The following BDP1 variants were observed in gnomAD, a reference collection of about 807,000 sequenced individuals.
BDP1 encodes the protein BDP1 general transcription factor IIIB subunit.
In BDP1, 169 loss-of-function variants were observed where a neutral mutation model predicts 266.6. The observed-to-expected ratio is 0.63, with a 90% CI of 0.56 to 0.72. The LOEUF (loss-of-function observed/expected upper bound fraction) is 0.72. Among genes scored for constraint, BDP1 ranks in the 30% least tolerant of loss-of-function variants. BDP1 has a pLI of 0.00. For synonymous variants in BDP1, 1,090 were observed against 1,022.4 expected, an observed-to-expected ratio of 1.07 and a Z score of -1.26; for missense variants, 3,015 against 3,053.8, an observed-to-expected ratio of 0.99 and a Z score of 0.30.
chr5:71,468,186 T>C (rs1400712971), intron 6 of BDP1, among the ~76,000 whole-genome samples: 1 of 151,940 alleles, frequency 6.6e-6, no homozygotes, highest in Admixed American at 6.6e-5. Flanking sequence ...CCCCAGCTAA[T>C]TTTTGTATTT....
chr5:71,495,393 TA>T lies in BDP1; in HGVS notation c.1790del (p.Asn597IlefsTer16). 6.3e-7 allele frequency: 1 copy of T among 1,576,442 alleles called. No homozygotes were observed. Among genetic ancestry groups the T allele is most frequent in the Non-Finnish European group, 8.6e-7 (1 of 1,160,632 alleles). Reference sequence around the variant, plus strand: ...TGTATAGAAGAAAGAAATGTTGACCTAAAAAATAATTCACTGTAAGTATTTT... The same window carrying T: ...TGTATAGAAGAAAGAAATGTTGACCTAAAAATAATTCACTGTAAGTATTTT... ...GSCIEERNVD[L>X]KNNSLEIDQT... On this transcript the variant is annotated frameshift_variant, in exon 12 of 39. Transcript: ENST00000358731. LOFTEE classifies it high-confidence loss of function.
chr5:71,532,510 G>C, intron 26 of BDP1, 83 bp downstream of exon 26: 1 of 1,341,246 alleles, frequency 7.5e-7, no homozygotes, highest in Non-Finnish European at 1.0e-6. Context: ...ATAGCTTTAG[G>C]TTTATAAACA....
chr5:71,485,543 T>TAGTATAAAATAAAA (rs1763214126), intron 8 of BDP1, among the ~76,000 whole-genome samples: 1 of 152,176 alleles, frequency 6.6e-6, no homozygotes, highest in Non-Finnish European at 1.5e-5. Flanking sequence ...CTTTTTATTT[T>TAGTATAAAATAAAA]AGTATATACC....
intron 31 of BDP1, 45 bp from the exon 32 acceptor site, chr5:71,544,994 G>A (rs770921435): frequency 6.4e-7 from 1 of 1,555,566 alleles, no homozygotes; most frequent in East Asian, 2.3e-5. Flanking sequence ...ATAATTCCAT[G>A]ATTTGCCTGA....
intron 9 of BDP1, among the ~76,000 whole-genome samples, chr5:71,487,273 G>A (rs1189691394): frequency 2.0e-5 from 3 of 151,626 alleles, no homozygotes; most frequent in South Asian, 2.1e-4. Context: ...ACAGAGTTTC[G>A]CTCTGTTGCC....
intron 22 of BDP1, among the ~76,000 whole-genome samples, chr5:71,518,957 T>C (rs1765359399): frequency 6.6e-6 from 1 of 150,504 alleles, no homozygotes; most frequent in South Asian, 2.1e-4. Flanking sequence ...GTAGTTGGGA[T>C]TGCAGGCACC....
At chr5:71,462,741 CAG>C (rs1445648485) in intron 3 of BDP1, among the ~76,000 whole-genome samples, 1 of 151,816 alleles carries the variant, frequency 6.6e-6, no homozygotes, top group Admixed American at 6.6e-5. Flanking sequence ...CTCAGGGTGA[CAG>C]AGCGAGATCC....
At chr5:71,466,829 T>C (rs1289750110) in intron 5 of BDP1, among the ~76,000 whole-genome samples, 1 of 152,164 alleles carries the variant, frequency 6.6e-6, no homozygotes, top group Non-Finnish European at 1.5e-5. Context: ...CAGTGAAAAA[T>C]AATTTTATAG....
chr5:71,502,319 C>T (rs1222508597), intron 14 of BDP1, among the ~76,000 whole-genome samples: 5 of 151,682 alleles, frequency 3.3e-5, no homozygotes. Flanking sequence ...ATATTGCAGG[C>T]GCCCACCACC....
chr5:71,562,226 A>ATT, intron 37 of BDP1, 48 bp from the exon 38 acceptor site: 4 of 981,794 alleles, frequency 4.1e-6, no homozygotes, highest in South Asian at 1.7e-5. Flanking sequence ...AAAAAAAAGA[A>ATT]TGTGTCTTCC....
chr5:71,460,800 A>G (rs1312920709), intron 2 of BDP1, among the ~76,000 whole-genome samples: 1 of 152,034 alleles, frequency 6.6e-6, no homozygotes. Flanking sequence ...TATTTAATTT[A>G]TTTTGGGGAA....
chr5:71,533,334 T>G (rs1766369408), intron 26 of BDP1, among the ~76,000 whole-genome samples: 1 of 152,188 alleles, frequency 6.6e-6, no homozygotes, highest in Non-Finnish European at 1.5e-5. Flanking sequence ...CTATGTTTCA[T>G]CAGTTGAGGA....
At position 71,554,055 on chromosome 5, in the gene BDP1, T is replaced by G. The variant is rs72647242; in HGVS notation, c.7200+735T>G. On this transcript the variant is annotated intron_variant, in intron 35 of 38. Transcript: ENST00000358731. ...CTCATCTAGTACTCATCATAATTTGTAACTACACTATGGAAAAGTCCTTTT... is the reference window on the plus strand; with the variant it reads ...CTCATCTAGTACTCATCATAATTTGGAACTACACTATGGAAAAGTCCTTTT... Among the ~76,000 whole-genome samples the G allele has an allele frequency of 7.8e-3, 1,183 of 152,326 alleles. 46 individuals are homozygous for G. Among genetic ancestry groups the G allele is most frequent in the Admixed American group, 0.057 (874 of 15,294 alleles).
At chr5:71,572,881 G>C in the BDP1 span, among the ~76,000 whole-genome samples, 1 of 152,146 alleles carries the variant, frequency 6.6e-6, no homozygotes, top group African/African-American at 2.4e-5. Context: ...GGGACAGCAG[G>C]CTGAGTCTAA....
chr5:71,525,245 T>C (rs428254), intron 25 of BDP1, among the ~76,000 whole-genome samples: 64,757 of 137,356 alleles, frequency 0.47, 14,508 homozygotes, highest in South Asian at 0.57. Flanking sequence ...CCGGATGGGG[T>C]GGCTGGCCAG....
At chr5:71,534,183 A>G (rs1766438038) in intron 26 of BDP1, among the ~76,000 whole-genome samples, 1 of 152,116 alleles carries the variant, frequency 6.6e-6, no homozygotes, top group Non-Finnish European at 1.5e-5. Context: ...GGTCATGAAG[A>G]TTTACCCATT....
At chr5:71,504,551 C>T in intron 15 of BDP1, 70 bp from the exon 16 acceptor site, 1 of 1,354,986 alleles carries the variant, frequency 7.4e-7, no homozygotes, top group Non-Finnish European at 1.0e-6. Context: ...TTAAATTGGA[C>T]ATTTTCAATG....
At chr5:71,506,758 T>TTATATATATATATATA (rs67179518) in intron 16 of BDP1, among the ~76,000 whole-genome samples, 23 of 135,862 alleles carry the variant, frequency 1.7e-4, no homozygotes, top group African/African-American at 5.9e-4. Flanking sequence ...GTTTGGAGGT[T>TTATATATATATATATA]TATATATATA....
intron 25 of BDP1, among the ~76,000 whole-genome samples, chr5:71,525,381 C>T (rs1450646526): frequency 1.3e-3 from 184 of 144,044 alleles, no homozygotes; most frequent in African/African-American, 4.4e-3. Context: ...GGCGGCTGGC[C>T]GGGCGGGGGG....
Sources: gnomAD v4.1 joint callset for allele counts (sites outside exome capture counted in the v4.1 genomes callset) on GRCh38, gnomAD v4.1.1 for gene constraint, MANE v1.5 for transcripts, NCBI Gene and HGNC (gene_info 2026-07-23, HGNC 2026-07-21) for gene names.